BCCIP: variants seen among roughly 807,000 people sequenced by gnomAD.
BCCIP encodes BRCA2 and CDKN1A-interacting protein.
Under a neutral mutation model 32.8 loss-of-function variants are expected in BCCIP, and 23 were observed. That is an observed-to-expected ratio of 0.70 (90% CI 0.51 to 0.99). The LOEUF (loss-of-function observed/expected upper bound fraction) is 0.99. Among genes scored for constraint, BCCIP ranks in the 50% least tolerant of loss-of-function variants. The pLI, the probability that BCCIP is intolerant of heterozygous loss-of-function variation, is 0.00. For synonymous variants in BCCIP, 144 were observed against 137.6 expected, an observed-to-expected ratio of 1.05 and a Z score of -0.33; for missense variants, 378 against 379.8, an observed-to-expected ratio of 1.00 and a Z score of 0.04.
rs768973345 is a variant in BCCIP, at chr10:125,833,841, T to TTTACCAC, written c.669_670insTTACCAC (p.Lys224LeufsTer18). 2 of 1,614,114 alleles carry TTTACCAC rather than the reference T, an allele frequency of 1.2e-6. No individual in the cohort carries two copies. Among genetic ancestry groups the TTTACCAC allele is most frequent in the Non-Finnish European group, 1.7e-6 (2 of 1,180,050 alleles). On this transcript the variant is annotated frameshift_variant, in exon 6 of 7. Coordinates refer to ENST00000278100, the MANE Select transcript of BCCIP (RefSeq NM_078468.3). LOFTEE classifies it high-confidence loss of function. ...AGTGCTACTTTTACCTTCTGATTAG[T>TTTACCAC]AAGACATTTGTGGAAGCAGGAAAAA... is the stretch of plus-strand genomic sequence containing the variant.
rs756347867 is a variant in BCCIP, at chr10:125,831,458, A to G, written c.450A>G (p.Leu150=). The change falls in exon 5 of 7, where the codon CTA becomes CTG. Residue 150 remains leucine (L), a synonymous_variant. Coordinates refer to ENST00000278100, the MANE Select transcript of BCCIP (RefSeq NM_078468.3). ...TTGAACAAATTCAAGAGTTGGTTCT[A>G]CGCTTCTGTGAGAAGAACTGTGAAA... ...QCVEQIQELV[L]RFCEKNCEKS... 2.5e-6 allele frequency: 4 copies of G among 1,614,052 alleles called. No individual in the cohort carries two copies. The highest frequency in any genetic ancestry group is 2.2e-5 in the East Asian group (1 of 44,896).
downstream of BCCIP, chr10:125,839,043 A>G (rs1400637413): frequency 6.2e-7 from 1 of 1,614,118 alleles, no homozygotes; most frequent in Admixed American, 1.7e-5. Context: ...TTATGTTTAG[A>G]GTGTTTTCCT....
At chr10:125,847,226 C>A (rs1564824609), downstream of BCCIP, among the ~76,000 whole-genome samples, 1 of 151,936 alleles carries the variant, frequency 6.6e-6, no homozygotes, top group Non-Finnish European at 1.5e-5. Flanking sequence ...CAGTTCCATA[C>A]CATGGAAGGG....
chr10:125,834,010 GATTT>G, intron 6 of BCCIP, 64 bp downstream of exon 6: 1 of 1,550,030 alleles, frequency 6.5e-7, no homozygotes, highest in Non-Finnish European at 8.9e-7. Context: ...GATTTATCAA[GATTT>G]ATTGTTCTCC....
downstream of BCCIP, chr10:125,838,322 C>T (rs1333553382): frequency 6.2e-7 from 1 of 1,613,740 alleles, no homozygotes; most frequent in Non-Finnish European, 8.5e-7. Context: ...ACAGGGGATG[C>T]AGCTGAGCAA....
chr10:125,831,304 G>T, intron 4 of BCCIP, 116 bp from the exon 5 acceptor site: 2 of 947,926 alleles, frequency 2.1e-6, no homozygotes, highest in Admixed American at 2.4e-5. Flanking sequence ...AGACGTTAAG[G>T]CTATGGCAGG....
At chr10:125,832,820 T>C (rs1381108117) in intron 5 of BCCIP, among the ~76,000 whole-genome samples, 2 of 141,708 alleles carry the variant, frequency 1.4e-5, no homozygotes, top group South Asian at 2.1e-4. Context: ...TTTTCTTTTT[T>C]TTTTTTTGAA....
chr10:125,827,522 TG>T, intron 2 of BCCIP, 35 bp from the exon 3 acceptor site: 1 of 1,352,506 alleles, frequency 7.4e-7, no homozygotes. Flanking sequence ...AATCATGCTT[TG>T]ATCTTAATTT....
rs1854900223 is a variant in BCCIP at position 125,842,169 on chromosome 10, G to A, written c.*810G>A. 10 of 511,114 alleles carry A rather than the reference G, an allele frequency of 2.0e-5. 1 individual carries two copies. The South Asian group carries it at 3.1e-4, about 16-fold the overall frequency. 31.7% of individuals were successfully genotyped at this position (511,114 alleles called of 1,614,324 possible). A position where few individuals can be genotyped will look rare whatever the true frequency, so the allele number is the denominator to read the frequency against. Reference sequence around the variant, plus strand: ...TGCTCCGAGGAGGGTCCCAGCTGCAGTGTGCATGCGGGGGGAACCCAGGTG... The same window carrying A: ...TGCTCCGAGGAGGGTCCCAGCTGCAATGTGCATGCGGGGGGAACCCAGGTG... On this transcript the variant is annotated 3_prime_UTR_variant, in exon 7 of 7. Coordinates refer to the BCCIP transcript ENST00000299130.
chr10:125,831,530 G>C lies in BCCIP; in HGVS notation c.522G>C (p.Lys174Asn), dbSNP rs1854521682. Residue 174 changes from lysine (K) to asparagine (N), a missense_variant, in exon 5 of 7, where the codon AAG becomes AAC. Transcript: ENST00000278100. Reference sequence around the variant, plus strand: ...ACAAGTTTTTAAATGACACCACCAAGCCTGTGGGCCTTCTCCTAAGTGAAA... The same window carrying C: ...ACAAGTTTTTAAATGACACCACCAACCCTGTGGGCCTTCTCCTAAGTGAAA... ...QLDKFLNDTT[K>N]PVGLLLSERF... 1 of 1,614,056 alleles carries C rather than the reference G, an allele frequency of 6.2e-7. No individual in the cohort carries two copies. Among genetic ancestry groups the C allele is most frequent in the Non-Finnish European group, 8.5e-7 (1 of 1,180,028 alleles).
chr10:125,829,069 G>A (rs528164614), intron 3 of BCCIP, among the ~76,000 whole-genome samples: 1 of 152,174 alleles, frequency 6.6e-6, no homozygotes, highest in Non-Finnish European at 1.5e-5. Context: ...TTCTATCTAG[G>A]GGGAGGGCAC....
chr10:125,843,999 G>A (rs1225255076), downstream of BCCIP, among the ~76,000 whole-genome samples: 1 of 152,160 alleles, frequency 6.6e-6, no homozygotes, highest in Non-Finnish European at 1.5e-5. Context: ...AGAAGCTTAT[G>A]GCTTCTCAGA....
In BCCIP at chr10:125,834,049, T is replaced by C. The variant is rs113266064; in HGVS notation, c.774+103T>C. 162 of 1,293,782 alleles carry C rather than the reference T, an allele frequency of 1.3e-4. No homozygotes were observed. In the Middle Eastern group the frequency reaches 1.8e-3, roughly 15 times the overall value. 80.1% of individuals were successfully genotyped at this position (1,293,782 alleles called of 1,614,324 possible). A position where few individuals can be genotyped will look rare whatever the true frequency, so the allele number is the denominator to read the frequency against. On this transcript the variant is annotated intron_variant, in intron 6 of 6. Transcript: ENST00000278100. ...CCACTTTAGGTCCAAGTCTTTCAAG[T>C]GTGGCTACTCTGTTTTTCTGTTTCC...
At chr10:125,829,147 A>G (rs1854470209) in intron 3 of BCCIP, among the ~76,000 whole-genome samples, 1 of 152,166 alleles carries the variant, frequency 6.6e-6, no homozygotes, top group African/African-American at 2.4e-5. Context: ...CCAAGGAGAG[A>G]TCCATTGGGG....
chr10:125,827,970 A>G (rs1323182801), intron 3 of BCCIP, among the ~76,000 whole-genome samples: 3 of 127,680 alleles, frequency 2.3e-5, no homozygotes, highest in South Asian at 3.3e-4. Flanking sequence ...TATATCTGAA[A>G]AAAAAAAAAA....
At chr10:125,844,173 A>G (rs1405434948), downstream of BCCIP, among the ~76,000 whole-genome samples, 2 of 152,236 alleles carry the variant, frequency 1.3e-5, no homozygotes, top group Non-Finnish European at 2.9e-5. Flanking sequence ...GTGAGGCATG[A>G]CATGAAAAGT....
chr10:125,834,807 G>A (rs1299716217), intron 6 of BCCIP, among the ~76,000 whole-genome samples: 12 of 103,664 alleles, frequency 1.2e-4, no homozygotes, highest in African/African-American at 4.0e-4. Flanking sequence ...AAGAAACTCC[G>A]TCTCAAAAAC....
intron 1 of BCCIP, among the ~76,000 whole-genome samples, chr10:125,824,039 G>A (rs568176903): frequency 1.3e-5 from 2 of 152,330 alleles, no homozygotes; most frequent in South Asian, 4.1e-4. Context: ...GCCACCCCGG[G>A]CTCGCAGAGG....
chr10:125,831,288 C>A, intron 4 of BCCIP, 132 bp from the exon 5 acceptor site: 1 of 761,552 alleles, frequency 1.3e-6, no homozygotes, highest in Non-Finnish European at 2.2e-6. Context: ...ACACTGAAGA[C>A]ATACAAGACG....
Sources: allele counts gnomAD v4.1 joint callset (sites outside exome capture counted in the v4.1 genomes callset), GRCh38; gene constraint gnomAD v4.1.1; transcripts MANE v1.5; gene names NCBI Gene and HGNC (gene_info 2026-07-23, HGNC 2026-07-21).